The following ADAM28 variants were observed in gnomAD, a reference collection of about 807,000 sequenced individuals.
The protein encoded by ADAM28 is ADAM metallopeptidase domain 28.
In ADAM28, 105 loss-of-function variants were observed where a neutral mutation model predicts 101.2. The ratio of observed to expected loss-of-function variants is 1.04; its 90% CI spans 0.89 to 1.22. ADAM28 has a LOEUF of 1.22. Ranked by LOEUF, ADAM28 falls within the 50% of genes most tolerant of loss-of-function variation. The probability of loss-of-function intolerance (pLI) is 0.00; values close to 1 mark genes in which losing one functional copy is unlikely to be tolerated. For synonymous variants in ADAM28, 322 were observed against 310.6 expected (o/e 1.04, Z -0.39); for missense variants, 1,028 against 945.4 (o/e 1.09, Z -1.15).
rs201643797 is a variant in ADAM28 at position 24,341,636 on chromosome 8, C to T, written c.1709C>T (p.Ser570Leu). 33 of 1,613,628 alleles carry T rather than the reference C, an allele frequency of 2.0e-5. No individual in the cohort carries two copies. The highest frequency in any genetic ancestry group is 1.2e-4 in the Admixed American group (7 of 59,966). Residue 570 changes from serine (S) to leucine (L), a missense_variant, in exon 16 of 23, where the codon TCG becomes TTG. By Grantham distance (145) the Ser-to-Leu change is moderately radical (BLOSUM62 -2). Transcript: ENST00000265769. ...MCGKLFCQGG[S>L]DNLPWKGRIV... ...GGGAAGTTGTTCTGTCAAGGTGGGTCGGATAATTTGCCCTGGAAAGGACGG... is the reference window on the plus strand; with the variant it reads ...GGGAAGTTGTTCTGTCAAGGTGGGTTGGATAATTTGCCCTGGAAAGGACGG...
chr8:24,323,868 T>C lies in ADAM28; in HGVS notation c.755T>C (p.Val252Ala), dbSNP rs767491296. 1.2e-6 allele frequency: 2 copies of C among 1,612,124 alleles called. No homozygotes were observed. Among genetic ancestry groups the C allele is most frequent in the South Asian group, 1.1e-5 (1 of 91,022 alleles). Reference protein sequence around the residue: ...YKKLNTHVALVGMEIWTDKDK... With the variant: ...YKKLNTHVALAGMEIWTDKDK... ...AAGCTCAATACTCATGTGGCCTTAGTTGGTATGGAAATCTGGACTGACAAG... is the reference window on the plus strand; with the variant it reads ...AAGCTCAATACTCATGTGGCCTTAGCTGGTATGGAAATCTGGACTGACAAG... Residue 252 changes from valine to alanine, a missense_variant, in exon 9 of 23, where the codon GTT (valine) becomes GCT (alanine). Physicochemically the swap from Val to Ala is moderately conservative, Grantham distance 64. Transcript: ENST00000265769.
Position 24,323,901 on chromosome 8 carries a change from T to C in ADAM28, c.788T>C (p.Ile263Thr). Residue 263 changes from isoleucine to threonine, a missense_variant, in exon 9 of 23, where the codon ATA becomes ACA. Ile to Thr is a moderately conservative substitution (Grantham distance 89, BLOSUM62 -1). Transcript: ENST00000265769. ...GMEIWTDKDK[I>T]KITPNASFTL... ...GAAATCTGGACTGACAAGGATAAGA[T>C]AAAGATAACCCCAAATGCAAGCTTC... The C allele has an allele frequency of 1.2e-6, 2 of 1,612,286 alleles. No individual in the cohort carries two copies. Among genetic ancestry groups the C allele is most frequent in the Non-Finnish European group, 1.7e-6 (2 of 1,178,832 alleles).
chr8:24,325,886 A>AAAAAAAAAAAAAAC (rs1812515619), intron 9 of ADAM28, among the ~76,000 whole-genome samples: 1 of 130,164 alleles, frequency 7.7e-6, no homozygotes, highest in Non-Finnish European at 1.7e-5. Flanking sequence ...AAAAAAAAAA[A>AAAAAAAAAAAAAAC]AAAAAAAAAA....
chr8:24,353,717 G>A (rs1201000290), intron 21 of ADAM28, 53 bp from the exon 22 acceptor site: 1 of 1,116,090 alleles, frequency 9.0e-7, no homozygotes, highest in Non-Finnish European at 1.4e-6. Context: ...TAGCTAAGAT[G>A]GGACAAGCAT....
rs369387568 is a variant in ADAM28 at position 24,335,680 on chromosome 8, G to A, written c.1567+39G>A. 16 of 1,512,398 alleles carry A rather than the reference G, an allele frequency of 1.1e-5. No individual in the cohort carries two copies. In the African/African-American group the frequency reaches 2.1e-4, roughly 20 times the overall value. The allele number at this position is 1,512,398 out of a possible 1,614,324, so 93.7% of individuals were successfully genotyped here. ...TCCTTTCCCCTGTGCATGTGCGAAG[G>A]AAAATCATTTCAGATGACAGTGTTT... On this transcript the variant is annotated intron_variant, in intron 14 of 22. Coordinates refer to ENST00000265769, the MANE Select transcript of ADAM28 (RefSeq NM_014265.6).
At chr8:24,342,931 A>T in intron 16 of ADAM28, 170 bp from the exon 17 acceptor site, 5 of 1,285,178 alleles carry the variant, frequency 3.9e-6, no homozygotes, top group Non-Finnish European at 4.1e-6. Flanking sequence ...GGGTTGGTTT[A>T]ACTAAGAGGA....
Position 24,331,255 on chromosome 8 carries a change from TATC to T in ADAM28, c.1212_1214del (p.Ile405del). The T allele has an allele frequency of 6.2e-7, 1 of 1,612,970 alleles. No homozygotes were observed. On this transcript the variant is annotated inframe_deletion, in exon 12 of 23. Transcript: ENST00000265769. ...TCTTTAATGCTCCATTGCCTACAGA[TATC>T]ATATCCACTCCAATTTGTGGGAACC...
chr8:24,321,090 TAATTA>T, intron 7 of ADAM28, 123 bp from the exon 8 acceptor site: 1 of 601,434 alleles, frequency 1.7e-6, no homozygotes, highest in African/African-American at 1.9e-5. Context: ...TTCTAACTTT[TAATTA>T]AATCTAATAA....
rs1416916241 is a variant in ADAM28, at chr8:24,330,104, CAAA to C, written c.1093_1095del (p.Lys365del). On this transcript the variant is annotated inframe_deletion, in exon 11 of 23. Transcript: ENST00000265769. Reference sequence around the variant, plus strand: ...GTCCTTCTACAATATGTGTGATGGACAAAGCACTGAGGTGAGGCTCTCTGGGCC... The same window carrying C: ...GTCCTTCTACAATATGTGTGATGGACGCACTGAGGTGAGGCTCTCTGGGCC... The C allele has an allele frequency of 3.1e-6, 5 of 1,613,060 alleles. No individual in the cohort carries two copies. The African/African-American group carries it at 6.7e-5, about 22-fold the overall frequency.
Position 24,300,065 on chromosome 8 carries a change from G to C in ADAM28, c.138G>C (p.Glu46Asp). The change falls in exon 2 of 23, where the codon GAG (glutamate) becomes GAC (aspartate). Residue 46 changes from glutamate to aspartate, a missense_variant. Transcript: ENST00000265769. The stretch of plus-strand genomic sequence containing the variant: ...CACTGCATAAAAGAGAGGCCAAAGA[G>C]CCAGAGCAACAGGTACAGCTTTTGA... ...LHPLHKREAK[E>D]PEQQEQFETE... 1 of 1,613,402 alleles carries C rather than the reference G, an allele frequency of 6.2e-7. No homozygotes were observed. The highest frequency in any genetic ancestry group is 8.5e-7 in the Non-Finnish European group (1 of 1,179,830).
chr8:24,331,414 A>G, intron 12 of ADAM28, 87 bp downstream of exon 12: 1 of 1,325,394 alleles, frequency 7.5e-7, no homozygotes, highest in African/African-American at 1.5e-5. Context: ...GCCCGCTATA[A>G]CATTATAGGT....
At chr8:24,343,693 G>T in intron 18 of ADAM28, 109 bp downstream of exon 18, 2 of 997,250 alleles carry the variant, frequency 2.0e-6, no homozygotes, top group East Asian at 2.6e-5. Flanking sequence ...TGAAATTTCT[G>T]TTCTGTTGAT....
Position 24,314,675 on chromosome 8 carries a change from G to C in ADAM28, c.576+1095G>C, listed in dbSNP as rs537368040. ...AACCCAGAATACTCCAATATTTTAA[G>C]TGCTCTGTAGATCACATATATCTCT... On this transcript the variant is annotated intron_variant, in intron 6 of 22. Transcript: ENST00000265769. 2.0e-5 allele frequency among the ~76,000 whole-genome samples: 3 copies of C among 151,998 alleles called. No individual in the cohort carries two copies. The East Asian group carries it at 5.8e-4, about 29-fold the overall frequency.
intron 18 of ADAM28, among the ~76,000 whole-genome samples, chr8:24,344,815 C>T (rs566915244): frequency 7.2e-5 from 11 of 152,152 alleles, no homozygotes; most frequent in Admixed American, 5.2e-4. Flanking sequence ...TGCTAAGTCA[C>T]CTCTATGACT....
chr8:24,325,871 C>CAAAAAAAAAAAAA (rs5890146), intron 9 of ADAM28, among the ~76,000 whole-genome samples: 289 of 20,434 alleles, frequency 0.014, 16 homozygotes, highest in Middle Eastern at 0.05. Context: ...GTACAGATAG[C>CAAAAAAAAAAAAA]AAAAAAAAAA....
chr8:24,340,514 A>G (rs1814635723), intron 15 of ADAM28, among the ~76,000 whole-genome samples: 1 of 152,172 alleles, frequency 6.6e-6, no homozygotes, highest in Non-Finnish European at 1.5e-5. Flanking sequence ...GGGTCTCGCC[A>G]TCTTTCCTTT....
rs1373644765 is a variant in ADAM28 at position 24,313,368 on chromosome 8, G to A, written c.384-20G>A. ...TGCAACAATATTTGTTAAGAAGCCA[G>A]AACTCTCATGTTTTTTCAGGGGCTA... On this transcript the variant is annotated intron_variant, in intron 5 of 22. Transcript: ENST00000265769. 1 of 1,592,736 alleles carries A rather than the reference G, an allele frequency of 6.3e-7. No individual in the cohort carries two copies. The highest frequency in any genetic ancestry group is 8.5e-7 in the Non-Finnish European group (1 of 1,170,492).
intron 1 of ADAM28, among the ~76,000 whole-genome samples, chr8:24,295,103 C>T (rs1374638551): frequency 6.6e-6 from 1 of 152,206 alleles, no homozygotes; most frequent in African/African-American, 2.4e-5. Context: ...CATGCACCCT[C>T]TTAGTACTTT....
intron 9 of ADAM28, 46 bp downstream of exon 9, chr8:24,324,049 G>A: frequency 6.3e-7 from 1 of 1,581,746 alleles, no homozygotes; most frequent in South Asian, 1.2e-5. Flanking sequence ...GTATTTAGTG[G>A]ATGCTTTTCT....
Sources: allele counts gnomAD v4.1 joint callset (sites outside exome capture counted in the v4.1 genomes callset), GRCh38; gene constraint gnomAD v4.1.1; transcripts MANE v1.5; gene names NCBI Gene and HGNC (gene_info 2026-07-23, HGNC 2026-07-21).